The following BRIP1 variants were observed in gnomAD, a reference collection of about 807,000 sequenced individuals.
BRIP1 encodes Fanconi anemia group J protein.
In BRIP1, 88 loss-of-function variants were observed where a neutral mutation model predicts 119.7. The observed-to-expected ratio is 0.74, with a 90% CI of 0.62 to 0.88. The LOEUF (loss-of-function observed/expected upper bound fraction) is 0.88, where lower values mean the gene tolerates loss of function less well. BRIP1 is among the 40% of genes least tolerant of loss of function. The probability of loss-of-function intolerance (pLI) is 0.00; values close to 1 mark genes in which losing one functional copy is unlikely to be tolerated. For missense variants in BRIP1, 1,259 were observed against 1,455.4 expected, an observed-to-expected ratio of 0.87 and a Z score of 2.20; for synonymous variants, 443 against 496.5, an observed-to-expected ratio of 0.89 and a Z score of 1.43.
chr17:61,853,102 TA>T lies in BRIP1; in HGVS notation c.380-3847del, dbSNP rs2078845457. ...GCCTAACAACTGTAGAACAGATTAA[TA>T]AACTGTGGTATATTCATACAAGGAA... On this transcript the variant is annotated intron_variant, in intron 4 of 19. Coordinates refer to ENST00000259008, the MANE Select transcript of BRIP1 (RefSeq NM_032043.3). The surrounding 1 kb of genome is among the most constrained non-coding windows in gnomAD (Gnocchi z 4.3). Among the ~76,000 whole-genome samples, 1 of 152,140 alleles carries T rather than the reference TA, an allele frequency of 6.6e-6. No individual in the cohort carries two copies. The highest frequency in any genetic ancestry group is 2.1e-4 in the South Asian group (1 of 4,822).
Position 61,808,085 on chromosome 17 carries a change from T to C in BRIP1, c.918+382A>G, listed in dbSNP as rs772528919. On this transcript the variant is annotated intron_variant, in intron 7 of 19. Coordinates refer to ENST00000259008, the MANE Select transcript of BRIP1 (RefSeq NM_032043.3). The surrounding 1 kb of genome is among the most constrained non-coding windows in gnomAD (Gnocchi z 4.1). Reference sequence around the variant, plus strand: ...GACAGCCTAAATAAACTATCTGCTTTTGAAGTTTTTAAGTATATAAAGTAT... The same window carrying C: ...GACAGCCTAAATAAACTATCTGCTTCTGAAGTTTTTAAGTATATAAAGTAT... Among the ~76,000 whole-genome samples the C allele has an allele frequency of 1.3e-5, 2 of 152,174 alleles. No homozygotes were observed. Among genetic ancestry groups the C allele is most frequent in the African/African-American group, 4.8e-5 (2 of 41,464 alleles).
rs2145334838 is a variant in BRIP1, at chr17:61,801,320, A to T, written c.1073T>A (p.Leu358Gln). The stretch of plus-strand genomic sequence containing the variant: ...AAATATGATGTCAGCATCTTGTATT[A>T]GTTCTCGGGCTGTGTAATATGGACA... The part of the protein sequence containing the change: ...KACPYYTARE[L>Q]IQDADIIFCP... The change falls in exon 8 of 20, where the codon CTA becomes CAA. Residue 358 changes from leucine to glutamine, a missense_variant. Leu to Gln is a moderately radical substitution (Grantham distance 113, BLOSUM62 -2). Coordinates refer to ENST00000259008, the MANE Select transcript of BRIP1 (RefSeq NM_032043.3). 1 of 1,614,060 alleles carries T rather than the reference A, an allele frequency of 6.2e-7. No individual in the cohort carries two copies. The highest frequency in any genetic ancestry group is 1.3e-5 in the African/African-American group (1 of 75,034).
chr17:61,811,057 G>T (rs8077088), intron 6 of BRIP1, among the ~76,000 whole-genome samples: 120,813 of 152,138 alleles, frequency 0.79, 48,626 homozygotes, highest in African/African-American at 0.9. Flanking sequence ...GTTAGGACTT[G>T]AAATCTGTTT....
At chr17:61,791,865 T>C (rs2077823192) in intron 10 of BRIP1, among the ~76,000 whole-genome samples, 1 of 152,168 alleles carries the variant, frequency 6.6e-6, no homozygotes, top group Non-Finnish European at 1.5e-5. Flanking sequence ...AATTTTGCCA[T>C]TTGCAACAAC....
intron 10 of BRIP1, among the ~76,000 whole-genome samples, chr17:61,785,685 T>C (rs1478129153): frequency 6.6e-6 from 1 of 152,028 alleles, no homozygotes. Context: ...GAAATACAAA[T>C]ATCAAATTAT....
At chr17:61,786,080 A>G (rs962205471) in intron 10 of BRIP1, among the ~76,000 whole-genome samples, 18 of 152,274 alleles carry the variant, frequency 1.2e-4, no homozygotes, top group African/African-American at 3.9e-4. Context: ...CATACACGTG[A>G]TGATATCCAC....
At chr17:61,833,690 A>G (rs904693109) in intron 6 of BRIP1, among the ~76,000 whole-genome samples, 1 of 149,256 alleles carries the variant, frequency 6.7e-6, no homozygotes, top group East Asian at 2.0e-4. Context: ...AAAAAAAGCC[A>G]TAATTATTGG....
rs2078672713 is a variant in BRIP1 at position 61,842,558 on chromosome 17, A to G, written c.627+4543T>C. Among the ~76,000 whole-genome samples the G allele has an allele frequency of 6.6e-6, 1 of 152,238 alleles. No homozygotes were observed. Among genetic ancestry groups the G allele is most frequent in the South Asian group, 2.1e-4 (1 of 4,836 alleles). On this transcript the variant is annotated intron_variant, in intron 6 of 19. Transcript: ENST00000259008. The surrounding 1 kb of genome is among the most constrained non-coding windows in gnomAD (Gnocchi z 5.1). ...TATGAAAATTATCACACTGAATCCC[A>G]TAAGTATGTATAATTATTATGTGTC...
rs1327700024 is a variant in BRIP1, at chr17:61,743,878, G to A, written c.2257+554C>T. Reference sequence around the variant, plus strand: ...ATGTTTGTACTTTTTGTAGAGACAGGATTTCACCATGTTGCCCAGGCTGGT... The same window carrying A: ...ATGTTTGTACTTTTTGTAGAGACAGAATTTCACCATGTTGCCCAGGCTGGT... On this transcript the variant is annotated intron_variant, in intron 15 of 19. Transcript: ENST00000259008. The surrounding 1 kb of genome is among the most constrained non-coding windows in gnomAD (Gnocchi z 4.3). Among the ~76,000 whole-genome samples the A allele has an allele frequency of 6.6e-6, 1 of 151,988 alleles. No homozygotes were observed. The highest frequency in any genetic ancestry group is 1.5e-5 in the Non-Finnish European group (1 of 68,000).
chr17:61,785,158 G>T (rs2145151301), intron 10 of BRIP1, among the ~76,000 whole-genome samples: 1 of 152,250 alleles, frequency 6.6e-6, no homozygotes, highest in Non-Finnish European at 1.5e-5. Context: ...TTGATATGTT[G>T]CCTTAAATCC....
intron 17 of BRIP1, among the ~76,000 whole-genome samples, chr17:61,712,907 A>C (rs1443865748): frequency 6.6e-6 from 1 of 152,074 alleles, no homozygotes; most frequent in South Asian, 2.1e-4. Flanking sequence ...CATCTCAAAA[A>C]AAAAAAAAAA....
Position 61,703,403 on chromosome 17 carries a change from T to G in BRIP1, c.2493-9891A>C, listed in dbSNP as rs772565099. ...TTGCATTTCTCTAATGATAGTGTGTTGAACATTTTTTCATATGCTTCTTGG... is the reference window on the plus strand; with the variant it reads ...TTGCATTTCTCTAATGATAGTGTGTGGAACATTTTTTCATATGCTTCTTGG... On this transcript the variant is annotated intron_variant, in intron 17 of 19. Coordinates refer to ENST00000259008, the MANE Select transcript of BRIP1 (RefSeq NM_032043.3). The surrounding 1 kb of genome is among the most constrained non-coding windows in gnomAD (Gnocchi z 5.0). Among the ~76,000 whole-genome samples the G allele has an allele frequency of 4.6e-5, 7 of 152,224 alleles. No homozygotes were observed. Among genetic ancestry groups the G allele is most frequent in the Admixed American group, 6.5e-5 (1 of 15,272 alleles).
Position 61,822,158 on chromosome 17 carries a change from A to G in BRIP1, c.628-13401T>C, listed in dbSNP as rs981187073. On this transcript the variant is annotated intron_variant, in intron 6 of 19. Transcript: ENST00000259008. The surrounding 1 kb of genome is among the most constrained non-coding windows in gnomAD (Gnocchi z 4.4). ...CCTATAAGCGTTACATAAAATTAGTAAATGACAAAAAATAAAAGACAATAA... is the reference window on the plus strand; with the variant it reads ...CCTATAAGCGTTACATAAAATTAGTGAATGACAAAAAATAAAAGACAATAA... Among the ~76,000 whole-genome samples, 3 of 152,170 alleles carry G rather than the reference A, an allele frequency of 2.0e-5. No individual in the cohort carries two copies. Among genetic ancestry groups the G allele is most frequent in the Non-Finnish European group, 2.9e-5 (2 of 68,030 alleles).
rs546083449 is a variant in BRIP1 at position 61,684,040 on chromosome 17, C to G, written c.3006G>C (p.Trp1002Cys). ...ACTGTCCCAAAGAATTAAAGCTTGA[C>G]CAGCTAACTCTCTTTGTTTGTTTGT... ...TFNKQTKRVS[W>C]SSFNSLGQYF... Residue 1002 changes from tryptophan (W) to cysteine (C), a missense_variant, in exon 20 of 20, where the codon TGG (tryptophan) becomes TGC (cysteine). This residue lies in a region of BRIP1 where 753 missense variants were observed against 891.8 expected (regional missense o/e 0.84). Transcript: ENST00000259008. This position sits in a 1 kb window ranked among gnomAD's most constrained non-coding sequence, Gnocchi z 4.5. The G allele has an allele frequency of 1.9e-6, 3 of 1,613,866 alleles. No individual in the cohort carries two copies. Among genetic ancestry groups the G allele is most frequent in the Non-Finnish European group, 1.7e-6 (2 of 1,179,948 alleles).
rs2144380595 is a variant in BRIP1 at position 61,715,989 on chromosome 17, T to C, written c.2454A>G (p.Glu818=). 6.2e-7 allele frequency: 1 copy of C among 1,608,926 alleles called. No individual in the cohort carries two copies. The highest frequency in any genetic ancestry group is 1.1e-5 in the South Asian group (1 of 89,998). ...GGTTTAAGGCCCTGTATGCTTGAAT[T>C]TCATACCACTGACGGCCAGGTAGAA... ...RGLLPGRQWY[E]IQAYRALNQA... Residue 818 remains glutamate, a synonymous_variant, in exon 17 of 20, where the codon GAA becomes GAG. Coordinates refer to ENST00000259008, the MANE Select transcript of BRIP1 (RefSeq NM_032043.3).
rs1364141895 is a variant in BRIP1 at position 61,713,044 on chromosome 17, T to C, written c.2492+2907A>G. 6.6e-6 allele frequency among the ~76,000 whole-genome samples: 1 copy of C among 152,172 alleles called. No homozygotes were observed. Among genetic ancestry groups the C allele is most frequent in the African/African-American group, 2.4e-5 (1 of 41,428 alleles). On this transcript the variant is annotated intron_variant, in intron 17 of 19. Coordinates refer to ENST00000259008, the MANE Select transcript of BRIP1 (RefSeq NM_032043.3). The surrounding 1 kb of genome is among the most constrained non-coding windows in gnomAD (Gnocchi z 4.9). ...CAGTCAGTGTGAAGTGCATATATGA[T>C]AGTGGTCCCATAAGATTATAATGGA... is the stretch of plus-strand genomic sequence containing the variant.
intron 14 of BRIP1, among the ~76,000 whole-genome samples, chr17:61,771,113 C>A (rs1033640550): frequency 2.6e-5 from 4 of 152,196 alleles, no homozygotes; most frequent in Admixed American, 1.3e-4. Flanking sequence ...AGTATTAATT[C>A]ATCCTATAAT....
At position 61,827,436 on chromosome 17, in the gene BRIP1, A is replaced by T. The variant is rs986546479; in HGVS notation, c.628-18679T>A. ...TGAACTTAAAATAAAAATTAAATTT[A>T]AAAAAAATGGGGCTGGGAGTGGTGG... On this transcript the variant is annotated intron_variant, in intron 6 of 19. Coordinates refer to ENST00000259008, the MANE Select transcript of BRIP1 (RefSeq NM_032043.3). This position sits in a 1 kb window ranked among gnomAD's most constrained non-coding sequence, Gnocchi z 5.8. Among the ~76,000 whole-genome samples, 4 of 152,172 alleles carry T rather than the reference A, an allele frequency of 2.6e-5. No homozygotes were observed. Among genetic ancestry groups the T allele is most frequent in the South Asian group, 4.2e-4 (2 of 4,810 alleles).
rs747999127 is a variant in BRIP1, at chr17:61,832,387, A to C, written c.627+14714T>G. ...AAGGACATGTTATTTATATAATTTC[A>C]GAGTTCTTCCCCATAAAGTCCTCTT... On this transcript the variant is annotated intron_variant, in intron 6 of 19. Coordinates refer to ENST00000259008, the MANE Select transcript of BRIP1 (RefSeq NM_032043.3). This position sits in a 1 kb window ranked among gnomAD's most constrained non-coding sequence, Gnocchi z 5.5. Among the ~76,000 whole-genome samples the C allele has an allele frequency of 2.0e-5, 3 of 152,248 alleles. No homozygotes were observed. The highest frequency in any genetic ancestry group is 2.9e-5 in the Non-Finnish European group (2 of 68,044).
Sources: allele counts gnomAD v4.1 joint callset (sites outside exome capture counted in the v4.1 genomes callset), GRCh38; gene constraint gnomAD v4.1.1; regional missense constraint gnomAD v4.1.1; non-coding constraint Gnocchi (gnomAD v3.1); transcripts MANE v1.5; gene names NCBI Gene and HGNC (gene_info 2026-07-23, HGNC 2026-07-21).